UGT1A10: variants seen among roughly 807,000 people sequenced by gnomAD.
The protein encoded by UGT1A10 is UDP glucuronosyltransferase family 1 member A10, also known as UDP-glucuronosyltransferase 1A10.
In UGT1A10, 49 loss-of-function variants were observed where a neutral mutation model predicts 45.8. The observed-to-expected ratio is 1.07, with a 90% CI of 0.85 to 1.36. UGT1A10 has a LOEUF of 1.36. Ranked by LOEUF, UGT1A10 falls within the 40% of genes most tolerant of loss-of-function variation. UGT1A10 has a pLI of 0.00. For missense variants in UGT1A10, 745 were observed against 668.6 expected (o/e 1.11, Z -1.26); for synonymous variants, 284 against 249.7 (o/e 1.14, Z -1.29).
At chr2:233,721,339 A>G (rs1028958068) in intron 1 of UGT1A10, among the ~76,000 whole-genome samples, 3 of 152,110 alleles carry the variant, frequency 2.0e-5, no homozygotes, top group African/African-American at 7.2e-5. Context: ...TTCACTATGA[A>G]TATATTCTTT....
At chr2:233,694,710 C>A (rs934435713) in intron 1 of UGT1A10, among the ~76,000 whole-genome samples, 1 of 152,132 alleles carries the variant, frequency 6.6e-6, no homozygotes, top group Non-Finnish European at 1.5e-5. Flanking sequence ...TTCTTTACAC[C>A]TGCTGATTTC....
At chr2:233,729,445 C>G (rs375300323) in intron 1 of UGT1A10, 1 of 1,613,820 alleles carries the variant, frequency 6.2e-7, no homozygotes, top group African/African-American at 1.3e-5. Flanking sequence ...AGAACATTTT[C>G]TGAAGAAATT....
At chr2:233,646,862 G>C (rs1456503327) in intron 1 of UGT1A10, among the ~76,000 whole-genome samples, 1 of 152,144 alleles carries the variant, frequency 6.6e-6, no homozygotes. Context: ...CACGTTTTCA[G>C]GTATCTTTTC....
chr2:233,757,549 T>C lies in UGT1A10; in HGVS notation c.856-9485T>C, dbSNP rs1446411737. Among the ~76,000 whole-genome samples, 177 of 133,748 alleles carry C rather than the reference T, an allele frequency of 1.3e-3. 1 individual carries two copies. The highest frequency in any genetic ancestry group is 1.5e-3 in the Non-Finnish European group (97 of 64,202). The allele number at this position is 133,748 out of a possible 152,430, so 87.7% of individuals were successfully genotyped here. ...TGCCTGTAAGGAATATATATATATATATATATATATATGTATATATGATAT... is the reference window on the plus strand; with the variant it reads ...TGCCTGTAAGGAATATATATATATACATATATATATATGTATATATGATAT... On this transcript the variant is annotated intron_variant, in intron 1 of 4. Transcript: ENST00000344644.
chr2:233,719,832 C>G, intron 1 of UGT1A10: 1 of 1,545,496 alleles, frequency 6.5e-7, no homozygotes, highest in South Asian at 1.2e-5. Flanking sequence ...GTTGAGGGGC[C>G]TAGTGTATTT....
intron 1 of UGT1A10, among the ~76,000 whole-genome samples, chr2:233,681,210 C>CT (rs1310852061): frequency 6.6e-6 from 1 of 151,926 alleles, no homozygotes; most frequent in Non-Finnish European, 1.5e-5. Flanking sequence ...ATGCCAATTT[C>CT]TTTCTGGGCA....
intron 1 of UGT1A10, chr2:233,742,068 T>A (rs185159129): frequency 2.0e-5 from 3 of 151,914 alleles, no homozygotes; most frequent in African/African-American, 7.3e-5. Context: ...TGTGGCCTTA[T>A]GGAGATCCTT....
intron 1 of UGT1A10, among the ~76,000 whole-genome samples, chr2:233,683,415 TG>T (rs1393615511): frequency 2.6e-5 from 4 of 152,164 alleles, no homozygotes; most frequent in Non-Finnish European, 5.9e-5. Context: ...TTTCCACTTT[TG>T]GGGTTTATGA....
intron 1 of UGT1A10, among the ~76,000 whole-genome samples, chr2:233,702,442 T>C (rs2125589927): frequency 6.6e-6 from 1 of 152,304 alleles, no homozygotes; most frequent in Non-Finnish European, 1.5e-5. Context: ...CTAATAAGGA[T>C]AACATTTATT....
At chr2:233,719,183 T>C (rs1190201786) in intron 1 of UGT1A10, 5 of 1,614,222 alleles carry the variant, frequency 3.1e-6, no homozygotes, top group Non-Finnish European at 4.2e-6. Flanking sequence ...ACAATGTATC[T>C]TTGGCCCTTC....
At chr2:233,640,003 A>G (rs1411762383) in intron 1 of UGT1A10, among the ~76,000 whole-genome samples, 1 of 152,220 alleles carries the variant, frequency 6.6e-6, no homozygotes, top group Non-Finnish European at 1.5e-5. Flanking sequence ...TTCAGGCTTC[A>G]TCTATACCAT....
At chr2:233,757,535 A>AAT (rs67292694) in intron 1 of UGT1A10, among the ~76,000 whole-genome samples, 7,470 of 88,184 alleles carry the variant, frequency 0.085, 593 homozygotes, top group East Asian at 0.11. Context: ...GCCTGTAAGG[A>AAT]ATATATATAT....
At chr2:233,641,156 C>T (rs1359011196) in intron 1 of UGT1A10, among the ~76,000 whole-genome samples, 2 of 152,164 alleles carry the variant, frequency 1.3e-5, no homozygotes, top group Non-Finnish European at 2.9e-5. Flanking sequence ...CAGCTCTTCT[C>T]TTGCTGACTA....
chr2:233,743,204 C>G (rs187896113), intron 1 of UGT1A10: 8 of 388,962 alleles, frequency 2.1e-5, no homozygotes, highest in East Asian at 7.2e-5. Context: ...GGTGTCAATG[C>G]GGAGTAACTG....
chr2:233,638,377 C>T lies in UGT1A10; in HGVS notation c.855+1000C>T, dbSNP rs1313755421. 1.8e-4 allele frequency among the ~76,000 whole-genome samples: 28 copies of T among 152,002 alleles called. 1 individual carries two copies. Among genetic ancestry groups the T allele is most frequent in the Non-Finnish European group, 7.4e-5 (5 of 67,974 alleles). ...GGTTTTTGCATATGTATCTTGTATC[C>T]AGCCACATCACTAACTTTTCTTATT... is the stretch of plus-strand genomic sequence containing the variant. On this transcript the variant is annotated intron_variant, in intron 1 of 4. Transcript: ENST00000344644.
chr2:233,637,422 GA>G (rs2073327036), intron 1 of UGT1A10, 45 bp downstream of exon 1: 2 of 1,547,264 alleles, frequency 1.3e-6, no homozygotes, highest in African/African-American at 2.8e-5. Context: ...TCTGGCTTTG[GA>G]AATTAAAAAA....
Position 233,715,888 on chromosome 2 carries a change from C to T in UGT1A10, c.856-51146C>T, listed in dbSNP as rs1156732066. 2.6e-5 allele frequency among the ~76,000 whole-genome samples: 4 copies of T among 152,168 alleles called. No homozygotes were observed. In the East Asian group the frequency reaches 7.7e-4, roughly 29 times the overall value. On this transcript the variant is annotated intron_variant, in intron 1 of 4. Coordinates refer to ENST00000344644, the MANE Select transcript of UGT1A10 (RefSeq NM_019075.4). Reference sequence around the variant, plus strand: ...TAGCTTGTGCCTGTGGCCCCAGCTACTTGGGAGGCTCAGGTGGGAGGATCA... The same window carrying T: ...TAGCTTGTGCCTGTGGCCCCAGCTATTTGGGAGGCTCAGGTGGGAGGATCA...
intron 1 of UGT1A10, among the ~76,000 whole-genome samples, chr2:233,639,239 T>G (rs1259832450): frequency 6.6e-6 from 1 of 152,234 alleles, no homozygotes; most frequent in African/African-American, 2.4e-5. Context: ...TCTATATCTA[T>G]TAAAGAATAT....
chr2:233,733,686 T>A (rs1338920576), intron 1 of UGT1A10, among the ~76,000 whole-genome samples: 1 of 152,244 alleles, frequency 6.6e-6, no homozygotes, highest in African/African-American at 2.4e-5. Context: ...AACTTTTTGA[T>A]GTGCTGCTGG....
Sources: gnomAD v4.1 joint callset for allele counts (sites outside exome capture counted in the v4.1 genomes callset) on GRCh38, gnomAD v4.1.1 for gene constraint, MANE v1.5 for transcripts, NCBI Gene and HGNC (gene_info 2026-07-23, HGNC 2026-07-21) for gene names.